The following SOS1 variants were observed in gnomAD, a reference collection of about 807,000 sequenced individuals.
SOS1 encodes SOS Ras/Rac guanine nucleotide exchange factor 1.
SOS1 carries 25 observed loss-of-function variants against 157.6 expected under a neutral mutation model. The ratio of observed to expected loss-of-function variants is 0.16; its 90% CI spans 0.12 to 0.22. The LOEUF is 0.22. Ranked by LOEUF, SOS1 falls within the 10% of genes least tolerant of loss-of-function variation. The probability of loss-of-function intolerance (pLI) is 1.00; values close to 1 mark genes in which losing one functional copy is unlikely to be tolerated. For synonymous variants in SOS1, 528 were observed against 534.0 expected, an observed-to-expected ratio of 0.99 and a Z score of 0.16; for missense variants, 1,237 against 1,599.1, an observed-to-expected ratio of 0.77 and a Z score of 3.86.
intron 6 of SOS1, among the ~76,000 whole-genome samples, chr2:39,045,067 G>GT (rs1264306658): frequency 6.6e-6 from 1 of 152,046 alleles, no homozygotes; most frequent in Non-Finnish European, 1.5e-5. Flanking sequence ...ATTGTTTAGG[G>GT]TATTGTAATG....
chr2:39,051,319 G>C (rs755316708), intron 5 of SOS1, 32 bp from the exon 6 acceptor site: 12 of 1,585,648 alleles, frequency 7.6e-6, no homozygotes, highest in African/African-American at 1.4e-5. Context: ...AATTCAGTGA[G>C]GCTGTATTAT....
At chr2:39,095,062 A>G (rs1232296900) in intron 1 of SOS1, among the ~76,000 whole-genome samples, 1 of 152,200 alleles carries the variant, frequency 6.6e-6, no homozygotes, top group Non-Finnish European at 1.5e-5. Context: ...CCTCTCAGCT[A>G]CCATAACAGC....
chr2:39,120,820 G>T lies in SOS1; in HGVS notation c.-398C>A, dbSNP rs1251489110. On this transcript the variant is annotated 5_prime_UTR_variant, in exon 1 of 23. Transcript: ENST00000402219. ...GCGGAGCTGGCGGCTGGGGGAGGAC[G>T]TGTGGAGGGACGCTCCGGCCGCGGC... is the stretch of plus-strand genomic sequence containing the variant. 3.3e-5 allele frequency among the ~76,000 whole-genome samples: 5 copies of T among 150,702 alleles called. No homozygotes were observed. Among genetic ancestry groups the T allele is most frequent in the Admixed American group, 3.3e-4 (5 of 15,174 alleles).
At chr2:39,098,125 G>C (rs1038389532) in intron 1 of SOS1, 1 of 154,310 alleles carries the variant, frequency 6.5e-6, no homozygotes, top group Admixed American at 6.5e-5. Flanking sequence ...GCTTCATGTT[G>C]ATGCCATTTC....
At chr2:38,995,481 A>C (rs1668865215) in intron 19 of SOS1, 94 bp from the exon 20 acceptor site, 1 of 931,436 alleles carries the variant, frequency 1.1e-6, no homozygotes, top group African/African-American at 1.6e-5. Flanking sequence ...GCTAATATAC[A>C]GGAAAATCAT....
chr2:39,067,425 C>T (rs532274003), intron 2 of SOS1, among the ~76,000 whole-genome samples: 1 of 145,582 alleles, frequency 6.9e-6, no homozygotes, highest in Non-Finnish European at 1.5e-5. Flanking sequence ...TTCCAAAATC[C>T]AAAAAAAAAA....
chr2:39,027,790 A>C (rs1295273182), intron 8 of SOS1, among the ~76,000 whole-genome samples: 2 of 152,004 alleles, frequency 1.3e-5, no homozygotes, highest in Non-Finnish European at 2.9e-5. Context: ...ATATTACCAT[A>C]TGAGATTGTA....
chr2:39,026,004 CTACT>C (rs1669948523), intron 8 of SOS1, among the ~76,000 whole-genome samples: 1 of 152,110 alleles, frequency 6.6e-6, no homozygotes, highest in South Asian at 2.1e-4. Context: ...ACCATACTTT[CTACT>C]AGAGGCATAA....
intron 1 of SOS1, among the ~76,000 whole-genome samples, chr2:39,108,964 T>G (rs1673313177): frequency 6.6e-6 from 1 of 151,912 alleles, no homozygotes; most frequent in East Asian, 1.9e-4. Context: ...ACTGGGAGAC[T>G]GACGCAGGTG....
chr2:39,013,380 C>A lies in SOS1; in HGVS notation c.2167+80G>T, dbSNP rs1199046651. 4.6e-6 allele frequency: 4 copies of A among 868,084 alleles called. No homozygotes were observed. The African/African-American group carries it at 5.0e-5, about 11-fold the overall frequency. The allele number at this position is 868,084 out of a possible 1,614,324, so 53.8% of individuals were successfully genotyped here. A position where few individuals can be genotyped will look rare whatever the true frequency, so the allele number is the denominator to read the frequency against. On this transcript the variant is annotated intron_variant, in intron 13 of 22. Coordinates refer to ENST00000402219, the MANE Select transcript of SOS1 (RefSeq NM_005633.4). ...ATTATAAACATCTTACATTACTGAG[C>A]CCCAATGACATCAATTGATAGTCAC...
chr2:39,093,618 C>G (rs143745644), intron 1 of SOS1, among the ~76,000 whole-genome samples: 5 of 152,242 alleles, frequency 3.3e-5, no homozygotes, highest in Non-Finnish European at 5.9e-5. Flanking sequence ...CACAGAAGCC[C>G]AGAGACACGA....
rs775105134 is a variant in SOS1 at position 39,022,578 on chromosome 2, A to G, written c.1850T>C (p.Met617Thr). The change falls in exon 10 of 23, where the codon ATG becomes ACG. Residue 617 changes from methionine (M) to threonine (T), a missense_variant. By Grantham distance (81) the Met-to-Thr change is moderately conservative. This residue lies in a region of SOS1 where 22 missense variants were observed against 46.3 expected (regional missense o/e 0.48). Coordinates refer to ENST00000402219, the MANE Select transcript of SOS1 (RefSeq NM_005633.4). ...IKLIERLTYH[M>T]YADPNFVRTF... ...AACTGCATAATTCTTACCTGCGTAC[A>G]TATGGTACGTAAGCCTCTCTATAAG... The G allele has an allele frequency of 1.2e-6, 2 of 1,612,156 alleles. No homozygotes were observed. Among genetic ancestry groups the G allele is most frequent in the Non-Finnish European group, 1.7e-6 (2 of 1,178,336 alleles).
At chr2:39,038,454 G>A (rs1288177133) in intron 6 of SOS1, among the ~76,000 whole-genome samples, 2 of 152,042 alleles carry the variant, frequency 1.3e-5, no homozygotes, top group East Asian at 3.9e-4. Context: ...GTGGTTTCTT[G>A]GCTGGGCGCG....
intron 1 of SOS1, among the ~76,000 whole-genome samples, chr2:39,077,783 A>T (rs1421715582): frequency 1.3e-5 from 2 of 152,212 alleles, no homozygotes; most frequent in Non-Finnish European, 2.9e-5. Context: ...TCCCTATCAC[A>T]TACCATATAT....
chr2:39,106,905 T>G (rs1673213513), intron 1 of SOS1, among the ~76,000 whole-genome samples: 1 of 152,202 alleles, frequency 6.6e-6, no homozygotes, highest in Non-Finnish European at 1.5e-5. Flanking sequence ...GGGTGTTACT[T>G]GAATTGTTTT....
chr2:39,069,307 G>A (rs1671712763), intron 1 of SOS1, among the ~76,000 whole-genome samples: 1 of 150,738 alleles, frequency 6.6e-6, no homozygotes, highest in Non-Finnish European at 1.5e-5. Context: ...TTAAACCCAG[G>A]ATGCCAGGGC....
chr2:39,032,518 G>C (rs1670198001), intron 8 of SOS1, among the ~76,000 whole-genome samples: 1 of 152,128 alleles, frequency 6.6e-6, no homozygotes. Context: ...TTTTTAACAA[G>C]CATTTATTGA....
intron 5 of SOS1, among the ~76,000 whole-genome samples, chr2:39,052,467 C>G (rs1671053913): frequency 6.6e-6 from 1 of 152,126 alleles, no homozygotes; most frequent in Admixed American, 6.6e-5. Context: ...TTCCATCAAC[C>G]CTTACTATGC....
chr2:39,116,706 C>A (rs1353083176), intron 1 of SOS1, among the ~76,000 whole-genome samples: 1 of 152,086 alleles, frequency 6.6e-6, no homozygotes, highest in Non-Finnish European at 1.5e-5. Context: ...ACAAAAAATA[C>A]AAAAATTATC....
Sources: allele counts gnomAD v4.1 joint callset (sites outside exome capture counted in the v4.1 genomes callset), GRCh38; gene constraint gnomAD v4.1.1; regional missense constraint gnomAD v4.1.1; transcripts MANE v1.5; gene names NCBI Gene and HGNC (gene_info 2026-07-23, HGNC 2026-07-21).